Variants in KSR2 observed in about 807,000 individuals in gnomAD.
KSR2 encodes kinase suppressor of ras 2.
KSR2 carries 25 observed loss-of-function variants against 107.8 expected under a neutral mutation model. The observed-to-expected ratio is 0.23, with a 90% confidence interval of 0.17 to 0.32. KSR2 has a LOEUF of 0.32. KSR2 is among the 10% of genes least tolerant of loss of function. The pLI is 1.00. For synonymous variants in KSR2, 480 were observed against 507.0 expected (o/e 0.95, Z 0.71); for missense variants, 887 against 1,268.9 (o/e 0.70, Z 4.57).
intron 3 of KSR2, among the ~76,000 whole-genome samples, chr12:117,763,215 TGAAC>T (rs1326870674): frequency 6.6e-6 from 1 of 152,048 alleles, no homozygotes; most frequent in Non-Finnish European, 1.5e-5. Flanking sequence ...ACAAAGGACA[TGAAC>T]TCATCATTTT....
intron 4 of KSR2, among the ~76,000 whole-genome samples, chr12:117,733,956 A>T (rs955859661): frequency 6.6e-6 from 1 of 152,172 alleles, no homozygotes; most frequent in Non-Finnish European, 1.5e-5. Context: ...CACTAAATAG[A>T]GTTCAACTAA....
At chr12:117,661,885 A>G (rs1884446199) in intron 5 of KSR2, among the ~76,000 whole-genome samples, 1 of 152,204 alleles carries the variant, frequency 6.6e-6, no homozygotes, top group Non-Finnish European at 1.5e-5. Context: ...ATTGGGGAGG[A>G]ATAGTGCAAG....
intron 4 of KSR2, among the ~76,000 whole-genome samples, chr12:117,706,793 A>T (rs1490364927): frequency 6.6e-6 from 1 of 152,202 alleles, no homozygotes; most frequent in African/African-American, 2.4e-5. Flanking sequence ...AAATACAATT[A>T]TACTTCAAAA....
At position 117,776,683 on chromosome 12, in the gene KSR2, G is replaced by T. The variant is rs1889697025; in HGVS notation, c.473-15159C>A. Among the ~76,000 whole-genome samples the T allele has an allele frequency of 2.0e-5, 3 of 151,990 alleles. No homozygotes were observed. The South Asian group carries it at 6.2e-4, about 32-fold the overall frequency. ...AACCTAATATGGATGTTAGGGCAGG[G>T]TCAAAGGCACAATACCCTGAACATC... On this transcript the variant is annotated intron_variant, in intron 3 of 19. Coordinates refer to ENST00000339824, the MANE Select transcript of KSR2 (RefSeq NM_173598.6).
intron 7 of KSR2, among the ~76,000 whole-genome samples, chr12:117,564,065 C>T (rs1392161904): frequency 1.3e-5 from 2 of 152,174 alleles, no homozygotes; most frequent in South Asian, 2.1e-4. Flanking sequence ...CACACCAAAA[C>T]CCTTGGCTCC....
intron 4 of KSR2, among the ~76,000 whole-genome samples, chr12:117,733,093 A>T (rs1393557582): frequency 6.6e-6 from 1 of 152,188 alleles, no homozygotes; most frequent in Admixed American, 6.5e-5. Context: ...GAGCAACTAG[A>T]TTGAGGCCTT....
chr12:117,653,051 A>G (rs953272402), intron 5 of KSR2, among the ~76,000 whole-genome samples: 8 of 152,190 alleles, frequency 5.3e-5, no homozygotes, highest in African/African-American at 1.9e-4. Context: ...ACAATATTGC[A>G]TCCCTGGAGG....
chr12:117,715,622 T>C (rs1367963654), intron 4 of KSR2, among the ~76,000 whole-genome samples: 2 of 152,206 alleles, frequency 1.3e-5, no homozygotes, highest in Admixed American at 1.3e-4. Flanking sequence ...TGTTTTCTGT[T>C]AAGGGCCAGA....
chr12:117,582,651 G>C (rs929107959), intron 5 of KSR2, among the ~76,000 whole-genome samples: 2 of 152,210 alleles, frequency 1.3e-5, no homozygotes, highest in African/African-American at 2.4e-5. Flanking sequence ...CATGTGCTAA[G>C]TGATTCGCAT....
intron 1 of KSR2, among the ~76,000 whole-genome samples, chr12:117,967,591 T>C (rs1043137794): frequency 2.0e-5 from 3 of 151,402 alleles, no homozygotes; most frequent in Non-Finnish European, 4.4e-5. Flanking sequence ...GAAGAAGAGG[T>C]CTACACTGAC....
At chr12:117,794,433 CTCACACCA>C (rs1890515096) in intron 3 of KSR2, among the ~76,000 whole-genome samples, 1 of 87,418 alleles carries the variant, frequency 1.1e-5, no homozygotes, top group Non-Finnish European at 2.2e-5. Context: ...AACATGCACA[CTCACACCA>C]ACATGCACAC....
chr12:117,501,497 T>C (rs1403930925), intron 14 of KSR2, among the ~76,000 whole-genome samples: 1 of 152,232 alleles, frequency 6.6e-6, no homozygotes, highest in African/African-American at 2.4e-5. Flanking sequence ...GTCAACCATT[T>C]GTGCCTCTAT....
At chr12:117,682,752 C>A (rs1885421036) in intron 4 of KSR2, among the ~76,000 whole-genome samples, 1 of 152,118 alleles carries the variant, frequency 6.6e-6, no homozygotes, top group South Asian at 2.1e-4. Context: ...TTAAAAAGAT[C>A]ACTCTGCCAG....
intron 4 of KSR2, among the ~76,000 whole-genome samples, chr12:117,700,047 ACTTTT>A: frequency 6.7e-6 from 1 of 148,264 alleles, no homozygotes; most frequent in Admixed American, 6.7e-5. Context: ...TAATTTTGGT[ACTTTT>A]TTTTTTTTTA....
At chr12:117,860,529 C>T (rs1893256942) in intron 1 of KSR2, 98 bp from the exon 2 acceptor site, 14 of 1,191,484 alleles carry the variant, frequency 1.2e-5, no homozygotes, top group Non-Finnish European at 6.9e-6. Context: ...CTAAACCCAG[C>T]CAACTCTATT....
chr12:117,805,362 G>T (rs1204804568), intron 3 of KSR2, among the ~76,000 whole-genome samples: 1 of 152,126 alleles, frequency 6.6e-6, no homozygotes, highest in African/African-American at 2.4e-5. Flanking sequence ...GACCAAGAAG[G>T]GTAGAAATTA....
intron 4 of KSR2, among the ~76,000 whole-genome samples, chr12:117,713,963 T>G (rs1886886025): frequency 6.6e-6 from 1 of 151,724 alleles, no homozygotes; most frequent in African/African-American, 2.4e-5. Flanking sequence ...GACTGAGGAG[T>G]GCTAATTATT....
chr12:117,877,938 C>T (rs1393929466), intron 1 of KSR2, among the ~76,000 whole-genome samples: 1 of 152,196 alleles, frequency 6.6e-6, no homozygotes, highest in Non-Finnish European at 1.5e-5. Context: ...AGAACCACTG[C>T]ATGGGGCTTT....
chr12:117,651,623 G>A (rs925124056), intron 5 of KSR2, among the ~76,000 whole-genome samples: 2 of 152,170 alleles, frequency 1.3e-5, no homozygotes, highest in Admixed American at 1.3e-4. Flanking sequence ...GCCGAAATAT[G>A]GATTAAAAGA....
Sources: allele counts gnomAD v4.1 joint callset (sites outside exome capture counted in the v4.1 genomes callset), GRCh38; gene constraint gnomAD v4.1.1; transcripts MANE v1.5; gene names NCBI Gene and HGNC (gene_info 2026-07-23, HGNC 2026-07-21).